The following P4HA3 variants were observed in gnomAD, a reference collection of about 807,000 sequenced individuals.
The protein encoded by P4HA3 is prolyl 4-hydroxylase subunit alpha 3.
P4HA3 carries 60 observed loss-of-function variants against 66.7 expected under a neutral mutation model. That is an observed-to-expected ratio of 0.90 (90% CI 0.73 to 1.12). The LOEUF is 1.12. P4HA3 is among the 50% of genes most tolerant of loss of function. P4HA3 has a pLI of 0.00. For synonymous variants in P4HA3, 263 were observed against 274.6 expected, an observed-to-expected ratio of 0.96 and a Z score of 0.42; for missense variants, 683 against 685.8, an observed-to-expected ratio of 1.00 and a Z score of 0.05.
chr11:74,257,082 A>G (rs1859842485), intron 15 of P4HA3, among the ~76,000 whole-genome samples: 1 of 152,214 alleles, frequency 6.6e-6, no homozygotes, highest in Non-Finnish European at 1.5e-5. Flanking sequence ...GGCAGTAACT[A>G]AACCTATTTG....
intron 5 of P4HA3, among the ~76,000 whole-genome samples, chr11:74,288,177 G>A (rs1028054103): frequency 3.3e-5 from 5 of 152,170 alleles, no homozygotes; most frequent in African/African-American, 1.2e-4. Flanking sequence ...TTTCCAAGCA[G>A]ATACCTGAGT....
rs1860018604 is a variant in P4HA3 at position 74,267,239 on chromosome 11, G to T, written c.*9C>A. The T allele has an allele frequency of 6.2e-7, 1 of 1,614,008 alleles. No individual in the cohort carries two copies. Among genetic ancestry groups the T allele is most frequent in the Non-Finnish European group, 8.5e-7 (1 of 1,180,040 alleles). ...CACAGGACTCCACCAGCTTCTCTCTGCCAACAGTTCAGTCTTCAGGGCTGG... is the reference window on the plus strand; with the variant it reads ...CACAGGACTCCACCAGCTTCTCTCTTCCAACAGTTCAGTCTTCAGGGCTGG... On this transcript the variant is annotated 3_prime_UTR_variant, in exon 13 of 13. Coordinates refer to ENST00000331597, the MANE Select transcript of P4HA3 (RefSeq NM_182904.5).
At chr11:74,281,760 A>T (rs1860605250) in intron 7 of P4HA3, among the ~76,000 whole-genome samples, 1 of 151,876 alleles carries the variant, frequency 6.6e-6, no homozygotes, top group Non-Finnish European at 1.5e-5. Flanking sequence ...GCATTGGGAG[A>T]TATACCTAAT....
chr11:74,276,830 T>C (rs188584295), intron 9 of P4HA3, among the ~76,000 whole-genome samples, 155 bp downstream of exon 9: 1 of 152,306 alleles, frequency 6.6e-6, no homozygotes, highest in Admixed American at 6.5e-5. Context: ...AACAATATGC[T>C]TGAAACTAAG....
intron 1 of P4HA3, among the ~76,000 whole-genome samples, chr11:74,311,161 G>A (rs1277872626): frequency 2.6e-5 from 4 of 151,986 alleles, no homozygotes; most frequent in Non-Finnish European, 5.9e-5. Flanking sequence ...CCCAACCCTC[G>A]CCAACACCTC....
chr11:74,278,082 T>A (rs1402432184), intron 8 of P4HA3, among the ~76,000 whole-genome samples: 3 of 152,092 alleles, frequency 2.0e-5, no homozygotes, highest in Non-Finnish European at 4.4e-5. Context: ...CAAAGTAAGG[T>A]ACAGTGAAAA....
At chr11:74,266,419 G>A (rs1859992641), downstream of P4HA3, among the ~76,000 whole-genome samples, 1 of 152,138 alleles carries the variant, frequency 6.6e-6, no homozygotes, top group Admixed American at 6.6e-5. Context: ...CTAACACAAT[G>A]TAAATGCTAT....
chr11:74,300,553 G>C (rs754330519), intron 3 of P4HA3, among the ~76,000 whole-genome samples: 4 of 152,096 alleles, frequency 2.6e-5, no homozygotes, highest in Non-Finnish European at 4.4e-5. Context: ...CCCCCAGGTG[G>C]GAGGATCACT....
intron 4 of P4HA3, among the ~76,000 whole-genome samples, chr11:74,290,619 G>T (rs1263631128): frequency 6.6e-6 from 1 of 151,800 alleles, no homozygotes; most frequent in Non-Finnish European, 1.5e-5. Flanking sequence ...ATTAATTTTT[G>T]TATAAGGTGT....
intron 2 of P4HA3, among the ~76,000 whole-genome samples, 158 bp downstream of exon 2, chr11:74,304,112 C>T (rs141617586): frequency 1.7e-3 from 252 of 152,162 alleles, no homozygotes; most frequent in African/African-American, 5.5e-3. Context: ...GATTAGCAAG[C>T]GGGCCTAATT....
intron 7 of P4HA3, among the ~76,000 whole-genome samples, chr11:74,281,424 C>T (rs1206615404): frequency 2.0e-5 from 3 of 152,124 alleles, no homozygotes; most frequent in Non-Finnish European, 4.4e-5. Context: ...CACATGCACA[C>T]GTATGTTTAT....
downstream of P4HA3, among the ~76,000 whole-genome samples, chr11:74,266,371 T>G (rs1231925157): frequency 1.3e-5 from 2 of 152,220 alleles, no homozygotes; most frequent in African/African-American, 2.4e-5. Context: ...GCACACATCC[T>G]CCCATATACT....
chr11:74,286,482 T>C, intron 5 of P4HA3, 91 bp from the exon 6 acceptor site: 1 of 1,251,408 alleles, frequency 8.0e-7, no homozygotes, highest in Middle Eastern at 2.2e-4. Context: ...GCTTCACTGC[T>C]GCACAGGATG....
chr11:74,287,812 T>C (rs1015154478), intron 5 of P4HA3, among the ~76,000 whole-genome samples: 1 of 151,418 alleles, frequency 6.6e-6, no homozygotes, highest in African/African-American at 2.4e-5. Flanking sequence ...AGGCCAGGAG[T>C]TTGAGACCAG....
chr11:74,279,396 G>A lies in P4HA3; in HGVS notation c.1167C>T (p.Ile389=), dbSNP rs781260500. Residue 389 remains isoleucine (I), a synonymous_variant, in exon 8 of 13, where the codon ATC becomes ATT. Coordinates refer to ENST00000331597, the MANE Select transcript of P4HA3 (RefSeq NM_182904.5). ...GGAAGGGCCCTTCTTACCTTTTGCTGATGCGGTACTCCACTTGTAACTGCT... is the reference window on the plus strand; with the variant it reads ...GGAAGGGCCCTTCTTACCTTTTGCTAATGCGGTACTCCACTTGTAACTGCT... ...GEKQLQVEYR[I]SKSAWLKDTV... is the part of the protein sequence containing the mutation. 4 of 1,613,846 alleles carry A rather than the reference G, an allele frequency of 2.5e-6. No homozygotes were observed. The highest frequency in any genetic ancestry group is 1.7e-5 in the Admixed American group (1 of 60,006).
intron 4 of P4HA3, among the ~76,000 whole-genome samples, chr11:74,291,032 G>C (rs1317768390): frequency 6.6e-6 from 1 of 152,082 alleles, no homozygotes; most frequent in Non-Finnish European, 1.5e-5. Context: ...AAATTACTTT[G>C]GGCAGTATGG....
chr11:74,253,699 T>G, intron 15 of P4HA3: 3 of 656,780 alleles, frequency 4.6e-6, no homozygotes, highest in Non-Finnish European at 5.4e-6. Context: ...CCAGGGCCCT[T>G]GACCAACATC....
At chr11:74,306,428 G>A (rs1246605138) in intron 1 of P4HA3, among the ~76,000 whole-genome samples, 1 of 152,114 alleles carries the variant, frequency 6.6e-6, no homozygotes, top group African/African-American at 2.4e-5. Context: ...TAACAGGGCA[G>A]ATTAAGGTAC....
chr11:74,281,515 A>G (rs1249602507), intron 7 of P4HA3, among the ~76,000 whole-genome samples: 1 of 151,984 alleles, frequency 6.6e-6, no homozygotes, highest in Non-Finnish European at 1.5e-5. Flanking sequence ...AAAATGTGGC[A>G]CATATACACC....
Sources: gnomAD v4.1 joint callset for allele counts (sites outside exome capture counted in the v4.1 genomes callset) on GRCh38, gnomAD v4.1.1 for gene constraint, MANE v1.5 for transcripts, NCBI Gene and HGNC (gene_info 2026-07-23, HGNC 2026-07-21) for gene names.